Variants in ANKRD53 observed in about 807,000 individuals in gnomAD.
ANKRD53 encodes ankyrin repeat domain 53.
ANKRD53 carries 27 observed loss-of-function variants against 30.1 expected under a neutral mutation model. That is an observed-to-expected ratio of 0.90 (90% CI 0.66 to 1.24). The LOEUF is 1.24. ANKRD53 is among the 50% of genes most tolerant of loss of function. ANKRD53 has a pLI of 0.00. For missense variants in ANKRD53, 682 were observed against 721.0 expected, an observed-to-expected ratio of 0.95 and a Z score of 0.62; for synonymous variants, 286 against 295.4, an observed-to-expected ratio of 0.97 and a Z score of 0.33.
chr2:70,981,625 G>A (rs1355933614), intron 3 of ANKRD53, among the ~76,000 whole-genome samples: 1 of 152,200 alleles, frequency 6.6e-6, no homozygotes, highest in East Asian at 1.9e-4. Context: ...GTGAGGCATA[G>A]GGAAAGGGCA....
At chr2:70,983,438 G>C (rs1558689301) in intron 5 of ANKRD53, among the ~76,000 whole-genome samples, 1 of 152,236 alleles carries the variant, frequency 6.6e-6, no homozygotes, top group Non-Finnish European at 1.5e-5. Flanking sequence ...CCTTGGCTGG[G>C]GAAGAAAGGG....
intron 5 of ANKRD53, among the ~76,000 whole-genome samples, chr2:70,983,384 T>G (rs1670068855): frequency 6.6e-6 from 1 of 152,200 alleles, no homozygotes; most frequent in Non-Finnish European, 1.5e-5. Flanking sequence ...CAGATGTAAG[T>G]TGGAGGCTGA....
chr2:70,981,866 T>C, intron 3 of ANKRD53, 70 bp from the exon 4 acceptor site: 1 of 1,457,240 alleles, frequency 6.9e-7, no homozygotes, highest in Non-Finnish European at 9.1e-7. Flanking sequence ...GGTGTGTCCA[T>C]CTATCTGATG....
chr2:70,985,431 C>A lies in ANKRD53; in HGVS notation c.*131C>A, dbSNP rs1670162829. 3 of 818,208 alleles carry A rather than the reference C, an allele frequency of 3.7e-6. No individual in the cohort carries two copies. The highest frequency in any genetic ancestry group is 5.8e-5 in the Admixed American group (2 of 34,382). 50.7% of individuals were successfully genotyped at this position (818,208 alleles called of 1,614,324 possible). ...CCACTCCCAAGCTCGAGGAGTCACC[C>A]TTCCCAATCAAAAGCCCAGACCCCA... is the stretch of plus-strand genomic sequence containing the variant. On this transcript the variant is annotated 3_prime_UTR_variant, in exon 6 of 6. Coordinates refer to ENST00000360589, the MANE Select transcript of ANKRD53 (RefSeq NM_001115116.2).
rs1553423184 is a variant in ANKRD53 at position 70,979,718 on chromosome 2, C to T, written c.475C>T (p.Leu159=). ...GGGCAAGCTTGCATGCCTGCAGGTC[C>T]TGGTAGAGGAGTACAAGTTTCCCGT... is the stretch of plus-strand genomic sequence containing the variant. ...QWGKLACLQV[L]VEEYKFPVDL... Residue 159 remains leucine, a synonymous_variant, in exon 3 of 6, where the codon CTG becomes TTG. Transcript: ENST00000360589. 31 of 1,614,234 alleles carry T rather than the reference C, an allele frequency of 1.9e-5. No homozygotes were observed. The South Asian group carries it at 3.1e-4, about 16-fold the overall frequency.
chr2:70,978,748 T>C lies in ANKRD53; in HGVS notation c.103T>C (p.Ser35Pro). 1 of 1,564,778 alleles carries C rather than the reference T, an allele frequency of 6.4e-7. No individual in the cohort carries two copies. The change falls in exon 1 of 6, where the codon TCC becomes CCC. Residue 35 changes from serine to proline, a missense_variant. Physicochemically the swap from Ser to Pro is moderately conservative, Grantham distance 74. Transcript: ENST00000360589. This position sits in a 1 kb window ranked among gnomAD's most constrained non-coding sequence, Gnocchi z 4.3. ...TCGGCCGCAGCCAACTCCAAGTGGC[T>C]CCATGCAGCAGGCGAACAAAGTCTC... ...GARPQPTPSGSMQQANKVSLK... is the reference protein window; with the variant it reads ...GARPQPTPSGPMQQANKVSLK...
intron 3 of ANKRD53, 87 bp from the exon 4 acceptor site, chr2:70,981,849 G>C: frequency 7.1e-7 from 1 of 1,403,508 alleles, no homozygotes; most frequent in Non-Finnish European, 9.5e-7. Flanking sequence ...AGCAGGGCTT[G>C]GAAACTGGTG....
intron 5 of ANKRD53, 195 bp from the exon 6 acceptor site, chr2:70,984,416 T>A (rs527858067): frequency 3.0e-6 from 3 of 985,322 alleles, no homozygotes; most frequent in East Asian, 2.3e-4. Context: ...GAAAAAGTTG[T>A]CTCCCCCATC....
chr2:70,979,237 CGGCGATCGGGA>C lies in ANKRD53; in HGVS notation c.313_323del (p.Ala105LeufsTer66). ...TCCGACCAGACGGCAATCGACCAGA[CGGCGATCGGGA>C]GCTACTACCAGCTGTTCGCAGCGGC... On this transcript the variant is annotated frameshift_variant, in exon 2 of 6. Coordinates refer to ENST00000360589, the MANE Select transcript of ANKRD53 (RefSeq NM_001115116.2). LOFTEE classifies it high-confidence loss of function. The C allele has an allele frequency of 6.2e-7, 1 of 1,613,486 alleles. No homozygotes were observed. The highest frequency in any genetic ancestry group is 2.2e-5 in the East Asian group (1 of 44,872).
chr2:70,982,356 C>T lies in ANKRD53; in HGVS notation c.783-221C>T, dbSNP rs1205992546. On this transcript the variant is annotated intron_variant, in intron 4 of 5. Coordinates refer to ENST00000360589, the MANE Select transcript of ANKRD53 (RefSeq NM_001115116.2). The surrounding 1 kb of genome is among the most constrained non-coding windows in gnomAD (Gnocchi z 4.2). ...TCCTGCCCTGGGGCCCCTGGCTCCTCAGCAGGAGGGTGGTGACCAGGTCAT... is the reference window on the plus strand; with the variant it reads ...TCCTGCCCTGGGGCCCCTGGCTCCTTAGCAGGAGGGTGGTGACCAGGTCAT... 2 of 761,214 alleles carry T rather than the reference C, an allele frequency of 2.6e-6. No individual in the cohort carries two copies. The highest frequency in any genetic ancestry group is 2.0e-6 in the Non-Finnish European group (1 of 489,928). 47.2% of individuals were successfully genotyped at this position (761,214 alleles called of 1,614,324 possible). A position where few individuals can be genotyped will look rare whatever the true frequency, so the allele number is the denominator to read the frequency against.
rs1026862494 is a variant in ANKRD53 at position 70,985,091 on chromosome 2, C to T, written c.1384C>T (p.Arg462Cys). 2 of 1,550,810 alleles carry T rather than the reference C, an allele frequency of 1.3e-6. No individual in the cohort carries two copies. Among genetic ancestry groups the T allele is most frequent in the Non-Finnish European group, 8.7e-7 (1 of 1,147,004 alleles). ...FEVLLRMLYP[R>C]VWPYRMKVPQ... The stretch of plus-strand genomic sequence containing the variant: ...GGTGCTGCTGCGCATGCTGTACCCA[C>T]GTGTATGGCCATACAGAATGAAGGT... The change falls in exon 6 of 6, where the codon CGT (arginine) becomes TGT (cysteine). Residue 462 changes from arginine (R) to cysteine (C), a missense_variant. By Grantham distance (180) the Arg-to-Cys change is radical. Transcript: ENST00000360589.
In ANKRD53 at chr2:70,979,684, C is replaced by A; in HGVS notation, c.441C>A (p.Ala147=). The change falls in exon 3 of 6, where the codon GCC becomes GCA. Residue 147 remains alanine (A), a synonymous_variant. Coordinates refer to ENST00000360589, the MANE Select transcript of ANKRD53 (RefSeq NM_001115116.2). ...DDKGFTAIHF[A]AQWGKLACLQ... ...AGGGCTTCACTGCCATCCACTTCGCCGCCCAATGGGGCAAGCTTGCATGCC... is the reference window on the plus strand; with the variant it reads ...AGGGCTTCACTGCCATCCACTTCGCAGCCCAATGGGGCAAGCTTGCATGCC... 6.2e-7 allele frequency: 1 copy of A among 1,613,916 alleles called. No individual in the cohort carries two copies.
chr2:70,982,983 G>T lies in ANKRD53; in HGVS notation c.903+286G>T, dbSNP rs782250026. Among the ~76,000 whole-genome samples, 3 of 152,214 alleles carry T rather than the reference G, an allele frequency of 2.0e-5. No homozygotes were observed. Among genetic ancestry groups the T allele is most frequent in the Admixed American group, 2.0e-4 (3 of 15,294 alleles). ...TAGTGTACTGCCTCTTTCAGGATGA[G>T]AACCTTCAATGAGACCAAGGCACTG... On this transcript the variant is annotated intron_variant, in intron 5 of 5. Transcript: ENST00000360589. This position sits in a 1 kb window ranked among gnomAD's most constrained non-coding sequence, Gnocchi z 4.2.
Position 70,984,963 on chromosome 2 carries a change from A to G in ANKRD53, c.1256A>G (p.Asp419Gly). 6.5e-7 allele frequency: 1 copy of G among 1,550,102 alleles called. No individual in the cohort carries two copies. The highest frequency in any genetic ancestry group is 8.7e-7 in the Non-Finnish European group (1 of 1,146,614). Residue 419 changes from aspartate to glycine, a missense_variant, in exon 6 of 6, where the codon GAC (aspartate) becomes GGC (glycine). Coordinates refer to ENST00000360589, the MANE Select transcript of ANKRD53 (RefSeq NM_001115116.2). Reference sequence around the variant, plus strand: ...CATCCAGACCCCACTCCGGAGCACGACTTCAGCAGCTTCCTGGAGGTGAGG... The same window carrying G: ...CATCCAGACCCCACTCCGGAGCACGGCTTCAGCAGCTTCCTGGAGGTGAGG... ...GVHPDPTPEH[D>G]FSSFLEVRPD...
Position 70,982,478 on chromosome 2 carries a change from C to T in ANKRD53, c.783-99C>T. On this transcript the variant is annotated intron_variant, in intron 4 of 5. Transcript: ENST00000360589. This position sits in a 1 kb window ranked among gnomAD's most constrained non-coding sequence, Gnocchi z 4.2. Reference sequence around the variant, plus strand: ...TGCTCCTCTCCCTCTGGCCACTCCCCTCATCCCCATCCAAGCCCTCAGCAG... The same window carrying T: ...TGCTCCTCTCCCTCTGGCCACTCCCTTCATCCCCATCCAAGCCCTCAGCAG... 3 of 1,538,016 alleles carry T rather than the reference C, an allele frequency of 2.0e-6. No homozygotes were observed. The highest frequency in any genetic ancestry group is 8.9e-7 in the Non-Finnish European group (1 of 1,129,736).
chr2:70,980,717 G>A (rs1026392351), intron 3 of ANKRD53, among the ~76,000 whole-genome samples: 53 of 152,166 alleles, frequency 3.5e-4, no homozygotes, highest in Non-Finnish European at 5.9e-4. Context: ...AGGCTGGGGC[G>A]AGCGGATCAC....
chr2:70,985,192 C>G lies in ANKRD53; in HGVS notation c.1485C>G (p.Thr495=), dbSNP rs555111309. 2 of 1,551,164 alleles carry G rather than the reference C, an allele frequency of 1.3e-6. No homozygotes were observed. Among genetic ancestry groups the G allele is most frequent in the African/African-American group, 2.7e-5 (2 of 73,042 alleles). The part of the protein sequence containing the change: ...KRHLGDNTFW[T]DTLAMNLRDT... ...ACCTGGGTGACAACACCTTCTGGAC[C>G]GACACTCTGGCCATGAACCTGCGTG... Residue 495 remains threonine (T), a synonymous_variant, in exon 6 of 6, where the codon ACC becomes ACG. Coordinates refer to ENST00000360589, the MANE Select transcript of ANKRD53 (RefSeq NM_001115116.2).
rs1275593347 is a variant in ANKRD53, at chr2:70,982,218, G to A, written c.782+118G>A. The A allele has an allele frequency of 2.4e-6, 3 of 1,237,796 alleles. No individual in the cohort carries two copies. In the African/African-American group the frequency reaches 4.6e-5, roughly 19 times the overall value. The allele number at this position is 1,237,796 out of a possible 1,614,324, so 76.7% of individuals were successfully genotyped here. ...GGAGGGTTGGGAAGCCAGACAGCTG[G>A]AGGATGCGCCTACTGCCCAGGATAT... On this transcript the variant is annotated intron_variant, in intron 4 of 5. Transcript: ENST00000360589. The surrounding 1 kb of genome is among the most constrained non-coding windows in gnomAD (Gnocchi z 4.2).
At chr2:70,978,507 C>A, upstream of ANKRD53, 1 of 1,062,936 alleles carries the variant, frequency 9.4e-7, no homozygotes, top group South Asian at 2.0e-5. This position sits in a 1 kb window ranked among gnomAD's most constrained non-coding sequence, Gnocchi z 4.3. Flanking sequence ...GCCCCTCCAG[C>A]TAGAGAGGCA....
Sources: allele counts gnomAD v4.1 joint callset (sites outside exome capture counted in the v4.1 genomes callset), GRCh38; gene constraint gnomAD v4.1.1; non-coding constraint Gnocchi (gnomAD v3.1); transcripts MANE v1.5; gene names NCBI Gene and HGNC (gene_info 2026-07-23, HGNC 2026-07-21).